NOL4: variants seen among roughly 807,000 people sequenced by gnomAD.
NOL4 encodes the protein nucleolar protein 4.
NOL4 carries 17 observed loss-of-function variants against 75.9 expected under a neutral mutation model. The ratio of observed to expected loss-of-function variants is 0.22; its 90% confidence interval spans 0.15 to 0.34. The LOEUF (loss-of-function observed/expected upper bound fraction) is 0.34. Ranked by LOEUF, NOL4 falls within the 10% of genes least tolerant of loss-of-function variation. The pLI is 1.00. For missense variants in NOL4, 614 were observed against 793.5 expected, an observed-to-expected ratio of 0.77 and a Z score of 2.72; for synonymous variants, 292 against 289.9, an observed-to-expected ratio of 1.01 and a Z score of -0.07.
intron 9 of NOL4, among the ~76,000 whole-genome samples, chr18:33,890,143 G>A (rs1222809598): frequency 6.6e-6 from 1 of 152,078 alleles, no homozygotes. Context: ...AAACCCCATC[G>A]TCTCAGCCCA....
intron 8 of NOL4, among the ~76,000 whole-genome samples, chr18:33,943,523 ATAT>A (rs1283472041): frequency 1.3e-5 from 2 of 151,830 alleles, no homozygotes; most frequent in Non-Finnish European, 2.9e-5. Flanking sequence ...CTACTACAAC[ATAT>A]GACATGCACA....
At chr18:33,887,557 C>G (rs573352292) in intron 9 of NOL4, among the ~76,000 whole-genome samples, 1 of 151,962 alleles carries the variant, frequency 6.6e-6, no homozygotes, top group South Asian at 2.1e-4. Flanking sequence ...TCTCCTAATG[C>G]TATCCCTCCC....
chr18:33,905,364 T>A (rs2065974495), intron 9 of NOL4, among the ~76,000 whole-genome samples: 1 of 152,028 alleles, frequency 6.6e-6, no homozygotes, highest in Non-Finnish European at 1.5e-5. Context: ...CATTCATCAG[T>A]TAAACTTGAT....
At chr18:34,157,726 G>A (rs1334109889) in intron 1 of NOL4, among the ~76,000 whole-genome samples, 1 of 152,098 alleles carries the variant, frequency 6.6e-6, no homozygotes, top group African/African-American at 2.4e-5. Context: ...AAGATGGGAA[G>A]AGATTATCAA....
intron 6 of NOL4, among the ~76,000 whole-genome samples, chr18:34,013,171 C>T (rs1447022859): frequency 3.3e-5 from 5 of 151,884 alleles, no homozygotes; most frequent in Non-Finnish European, 5.9e-5. Context: ...ATATAGTATC[C>T]CAATATCAAA....
intron 9 of NOL4, among the ~76,000 whole-genome samples, chr18:33,918,156 G>A (rs2066835803): frequency 6.6e-6 from 1 of 152,176 alleles, no homozygotes; most frequent in South Asian, 2.1e-4. Context: ...ATGACAGACA[G>A]CTCAGTTCAA....
At chr18:34,061,626 G>A (rs958955934) in intron 5 of NOL4, among the ~76,000 whole-genome samples, 3 of 152,120 alleles carry the variant, frequency 2.0e-5, no homozygotes, top group Non-Finnish European at 1.5e-5. Flanking sequence ...CAGGAAGGAC[G>A]ACCTTGTTGT....
At chr18:34,155,071 T>A (rs1277188938) in intron 1 of NOL4, among the ~76,000 whole-genome samples, 2 of 151,916 alleles carry the variant, frequency 1.3e-5, no homozygotes, top group African/African-American at 4.8e-5. Flanking sequence ...AGTAAAGAGT[T>A]TTTGAATTTT....
At chr18:33,861,842 G>T (rs2144284776) in intron 10 of NOL4, among the ~76,000 whole-genome samples, 1 of 152,078 alleles carries the variant, frequency 6.6e-6, no homozygotes, top group Admixed American at 6.6e-5. Context: ...TGGCCATACT[G>T]CCCAAGGTAA....
intron 10 of NOL4, among the ~76,000 whole-genome samples, chr18:33,863,738 G>A (rs556389381): frequency 6.6e-6 from 1 of 152,230 alleles, no homozygotes; most frequent in Non-Finnish European, 1.5e-5. Context: ...CTGGGGTCTG[G>A]AGGATGGTGG....
chr18:34,191,911 A>G lies in NOL4; in HGVS notation c.264+31079T>C, dbSNP rs961163297. Among the ~76,000 whole-genome samples the G allele has an allele frequency of 3.3e-5, 5 of 152,264 alleles. No homozygotes were observed. In the East Asian group the frequency reaches 9.7e-4, roughly 29 times the overall value. On this transcript the variant is annotated intron_variant, in intron 1 of 10. Coordinates refer to ENST00000261592, the MANE Select transcript of NOL4 (RefSeq NM_003787.5). Reference sequence around the variant, plus strand: ...ACCCTACATGGTTAAAAATTCCTCTACCTACCAACCTATTCTCCCCCTACA... The same window carrying G: ...ACCCTACATGGTTAAAAATTCCTCTGCCTACCAACCTATTCTCCCCCTACA...
Position 34,223,266 on chromosome 18 carries a change from C to T in NOL4, c.-13G>A. ...GCTCGCTCTCCATGTTCCCCGCGCT[C>T]GGCCGCTGGCCGGATGCTCCCAGCG... On this transcript the variant is annotated 5_prime_UTR_variant, in exon 1 of 11. Transcript: ENST00000261592. 1 of 1,611,642 alleles carries T rather than the reference C, an allele frequency of 6.2e-7. No homozygotes were observed. The highest frequency in any genetic ancestry group is 8.5e-7 in the Non-Finnish European group (1 of 1,179,318).
At chr18:34,197,849 G>A (rs1199606353) in intron 1 of NOL4, among the ~76,000 whole-genome samples, 1 of 151,792 alleles carries the variant, frequency 6.6e-6, no homozygotes, top group African/African-American at 2.4e-5. Context: ...GAGAGGAAAT[G>A]GGTTGATAAA....
At chr18:33,986,727 G>A (rs1378230226) in intron 6 of NOL4, among the ~76,000 whole-genome samples, 1 of 151,940 alleles carries the variant, frequency 6.6e-6, no homozygotes, top group African/African-American at 2.4e-5. Flanking sequence ...TTTAAAAAAT[G>A]TAACATATGT....
At chr18:34,111,992 T>C (rs1292482110) in intron 2 of NOL4, among the ~76,000 whole-genome samples, 1 of 152,078 alleles carries the variant, frequency 6.6e-6, no homozygotes, top group Non-Finnish European at 1.5e-5. Flanking sequence ...TGGGAATATA[T>C]CCAAAGGAAA....
chr18:34,076,678 A>C (rs1261436188), intron 5 of NOL4, among the ~76,000 whole-genome samples: 7 of 152,158 alleles, frequency 4.6e-5, no homozygotes, highest in African/African-American at 1.7e-4. Context: ...TATGCGTCCG[A>C]GTTCAAAGAT....
At chr18:33,890,513 G>A (rs1243414595) in intron 9 of NOL4, among the ~76,000 whole-genome samples, 2 of 151,946 alleles carry the variant, frequency 1.3e-5, no homozygotes, top group Non-Finnish European at 2.9e-5. Context: ...TCACAGAATT[G>A]GAAAAAACTT....
chr18:33,915,595 A>G (rs1206283758), intron 9 of NOL4, among the ~76,000 whole-genome samples: 1 of 152,072 alleles, frequency 6.6e-6, no homozygotes, highest in Non-Finnish European at 1.5e-5. Flanking sequence ...GAGGCATGAA[A>G]TGCTCATCCT....
chr18:34,004,443 T>C (rs983216072), intron 6 of NOL4, among the ~76,000 whole-genome samples: 4 of 152,134 alleles, frequency 2.6e-5, no homozygotes, highest in Non-Finnish European at 5.9e-5. Context: ...ACACATGTAA[T>C]GACAGCACCT....
Sources: gnomAD v4.1 joint callset for allele counts (sites outside exome capture counted in the v4.1 genomes callset) on GRCh38, gnomAD v4.1.1 for gene constraint, MANE v1.5 for transcripts, NCBI Gene and HGNC (gene_info 2026-07-23, HGNC 2026-07-21) for gene names.